The following PDE8B variants were observed in gnomAD, a reference collection of about 807,000 sequenced individuals.
PDE8B encodes the protein phosphodiesterase 8B.
In PDE8B, 26 loss-of-function variants were observed where a neutral mutation model predicts 101.3. The ratio of observed to expected loss-of-function variants is 0.26; its 90% CI spans 0.19 to 0.36. PDE8B has a LOEUF of 0.36. Among genes scored for constraint, PDE8B ranks in the 10% least tolerant of loss-of-function variants. The pLI is 1.00. For missense variants in PDE8B, 810 were observed against 1,163.1 expected (o/e 0.70, Z 4.42); for synonymous variants, 424 against 429.3 (o/e 0.99, Z 0.15).
chr5:77,390,663 C>A (rs913054354), intron 10 of PDE8B, among the ~76,000 whole-genome samples: 2 of 152,200 alleles, frequency 1.3e-5, no homozygotes, highest in Non-Finnish European at 1.5e-5. Context: ...GATACTCACA[C>A]GTCCCCCCAA....
At chr5:77,409,649 A>G (rs1292513707) in intron 14 of PDE8B, among the ~76,000 whole-genome samples, 4 of 152,142 alleles carry the variant, frequency 2.6e-5, no homozygotes, top group African/African-American at 9.7e-5. Flanking sequence ...TAGGGACTCA[A>G]CCTATTCTGG....
At chr5:77,200,569 ATTTTG>A in the PDE8B span, among the ~76,000 whole-genome samples, 4 of 151,950 alleles carry the variant, frequency 2.6e-5, no homozygotes, top group African/African-American at 9.7e-5. Context: ...TTTTTAAAAA[ATTTTG>A]TTTTGTTTTG....
At chr5:77,162,822 A>G in the PDE8B span, among the ~76,000 whole-genome samples, 1 of 152,254 alleles carries the variant, frequency 6.6e-6, no homozygotes, top group Admixed American at 6.5e-5. Context: ...TGCAAATCAC[A>G]GAGATCTAAT....
the PDE8B span, among the ~76,000 whole-genome samples, chr5:77,123,206 G>A: frequency 6.6e-6 from 1 of 152,034 alleles, no homozygotes; most frequent in Non-Finnish European, 1.5e-5. Flanking sequence ...GGCAATCTCT[G>A]CAGAGTCCCG....
intron 10 of PDE8B, among the ~76,000 whole-genome samples, chr5:77,361,583 C>T (rs1355258942): frequency 6.6e-6 from 1 of 150,624 alleles, no homozygotes; most frequent in Non-Finnish European, 1.5e-5. Flanking sequence ...GGCGCGATCT[C>T]GGCTCACTGC....
chr5:77,121,385 A>G, the PDE8B span, among the ~76,000 whole-genome samples: 1 of 152,170 alleles, frequency 6.6e-6, no homozygotes, highest in Non-Finnish European at 1.5e-5. Context: ...GGGGGAGGAA[A>G]AAGTCACAAT....
chr5:77,171,607 A>G, the PDE8B span, among the ~76,000 whole-genome samples: 1 of 152,176 alleles, frequency 6.6e-6, no homozygotes, highest in South Asian at 2.1e-4. Context: ...GGAGGTTGCA[A>G]GAGATGGGTT....
chr5:77,264,111 C>T (rs1468769378), intron 1 of PDE8B, among the ~76,000 whole-genome samples: 3 of 152,220 alleles, frequency 2.0e-5, no homozygotes, highest in Non-Finnish European at 4.4e-5. Context: ...TAGCAGGTAT[C>T]AGTAATTCAT....
At chr5:77,406,651 A>C (rs1793520474) in intron 12 of PDE8B, among the ~76,000 whole-genome samples, 1 of 152,226 alleles carries the variant, frequency 6.6e-6, no homozygotes, top group Admixed American at 6.5e-5. Context: ...GGGTGGGTTC[A>C]GTGATCCCAT....
chr5:77,139,120 A>G, the PDE8B span: 1 of 152,244 alleles, frequency 6.6e-6, no homozygotes, highest in Non-Finnish European at 1.5e-5. Flanking sequence ...ACCCCAGCAC[A>G]TTAAGTTAGA....
At chr5:77,206,623 G>A (rs1747522935), upstream of PDE8B, among the ~76,000 whole-genome samples, 1 of 152,092 alleles carries the variant, frequency 6.6e-6, no homozygotes, top group South Asian at 2.1e-4. Flanking sequence ...AGTGAGGGTG[G>A]GCTCAGCAAG....
At chr5:77,250,938 A>G (rs1757937553) in intron 1 of PDE8B, among the ~76,000 whole-genome samples, 2 of 152,268 alleles carry the variant, frequency 1.3e-5, no homozygotes. Flanking sequence ...ATAAAAGCAC[A>G]TAGTATAGAT....
At chr5:77,122,702 T>C in the PDE8B span, among the ~76,000 whole-genome samples, 2 of 152,220 alleles carry the variant, frequency 1.3e-5, no homozygotes, top group Admixed American at 6.5e-5. Context: ...TACCAACAGG[T>C]CGTTCTACCT....
chr5:77,392,505 T>A (rs185760928), intron 10 of PDE8B, among the ~76,000 whole-genome samples: 1 of 152,234 alleles, frequency 6.6e-6, no homozygotes, highest in Admixed American at 6.5e-5. Flanking sequence ...TGAAGTATGA[T>A]AACATCAAGG....
At chr5:77,354,992 G>C (rs1463735336) in intron 10 of PDE8B, among the ~76,000 whole-genome samples, 1 of 152,212 alleles carries the variant, frequency 6.6e-6, no homozygotes, top group African/African-American at 2.4e-5. Context: ...CTCTAGCAGG[G>C]CCACTGGTCT....
chr5:77,357,274 A>T (rs1782281980), intron 10 of PDE8B, among the ~76,000 whole-genome samples: 1 of 152,176 alleles, frequency 6.6e-6, no homozygotes, highest in Non-Finnish European at 1.5e-5. Flanking sequence ...AGTTAGGCAC[A>T]GTCATCATCC....
the PDE8B span, among the ~76,000 whole-genome samples, chr5:77,138,279 C>T: frequency 2.6e-5 from 4 of 152,100 alleles, no homozygotes; most frequent in Admixed American, 6.5e-5. Context: ...CCCACCCTTC[C>T]CTACACCTTC....
At position 77,413,138 on chromosome 5, in the gene PDE8B, C is replaced by T; in HGVS notation, c.1740C>T (p.Val580=). ...KRPLVYLGLK[V]FSRFGVCEFL... ...CATTGGTTTATCTGGGCTTAAAGGTCTTCTCTCGGTTTGGAGTATGTGAAT... is the reference window on the plus strand; with the variant it reads ...CATTGGTTTATCTGGGCTTAAAGGTTTTCTCTCGGTTTGGAGTATGTGAAT... The change falls in exon 17 of 22, where the codon GTC becomes GTT. Residue 580 remains valine, a synonymous_variant. Transcript: ENST00000264917. The T allele has an allele frequency of 6.2e-7, 1 of 1,614,046 alleles. No homozygotes were observed. Among genetic ancestry groups the T allele is most frequent in the Non-Finnish European group, 8.5e-7 (1 of 1,179,962 alleles).
chr5:77,415,351 A>ATTTTTTTTTTTTTTT (rs71606293), intron 17 of PDE8B, among the ~76,000 whole-genome samples: 1 of 88,736 alleles, frequency 1.1e-5, no homozygotes, highest in Non-Finnish European at 2.1e-5. Context: ...ATAAGCTAAA[A>ATTTTTTTTTTTTTTT]TTTTTTTTTT....
Sources: gnomAD v4.1 joint callset for allele counts (sites outside exome capture counted in the v4.1 genomes callset) on GRCh38, gnomAD v4.1.1 for gene constraint, MANE v1.5 for transcripts, NCBI Gene and HGNC (gene_info 2026-07-23, HGNC 2026-07-21) for gene names.